TMEM117: variants seen among roughly 807,000 people sequenced by gnomAD.
The protein encoded by TMEM117 is transmembrane protein 117.
Under a neutral mutation model 52.4 loss-of-function variants are expected in TMEM117, and 27 were observed. The ratio of observed to expected loss-of-function variants is 0.51; its 90% CI spans 0.38 to 0.71. The LOEUF (loss-of-function observed/expected upper bound fraction) is 0.71. TMEM117 is among the 30% of genes least tolerant of loss of function. The probability of loss-of-function intolerance (pLI) is 0.00; values close to 1 mark genes in which losing one functional copy is unlikely to be tolerated. For synonymous variants in TMEM117, 215 were observed against 206.3 expected (o/e 1.04, Z -0.36); for missense variants, 556 against 630.5 (o/e 0.88, Z 1.26).
chr12:44,097,666 G>A lies in TMEM117; in HGVS notation c.411-45859G>A, dbSNP rs1011589068. 6.8e-5 allele frequency among the ~76,000 whole-genome samples: 10 copies of A among 147,516 alleles called. No individual in the cohort carries two copies. The East Asian group carries it at 1.0e-3, about 15-fold the overall frequency. On this transcript the variant is annotated intron_variant, in intron 3 of 7. Coordinates refer to ENST00000266534, the MANE Select transcript of TMEM117 (RefSeq NM_032256.3). ...CACTCATAGGTGGGAATTGAACAAC[G>A]AGAACACATGGACATAGGAAGGGGA...
intron 6 of TMEM117, among the ~76,000 whole-genome samples, chr12:44,368,928 T>A (rs1951826280): frequency 6.6e-6 from 1 of 152,134 alleles, no homozygotes; most frequent in Non-Finnish European, 1.5e-5. Context: ...TAGATCAAGT[T>A]GTTTGATAAC....
the TMEM117 span, among the ~76,000 whole-genome samples, chr12:44,397,019 G>A: frequency 1.3e-5 from 2 of 152,248 alleles, no homozygotes; most frequent in East Asian, 3.9e-4. Context: ...TGGGAAATGA[G>A]GGGTAAGAAT....
intron 6 of TMEM117, among the ~76,000 whole-genome samples, chr12:44,349,118 A>G (rs1951529674): frequency 6.6e-6 from 1 of 151,992 alleles, no homozygotes. Flanking sequence ...AACAAATTGC[A>G]TTTTTGCCCC....
chr12:44,006,333 C>T (rs1946195586), intron 3 of TMEM117, among the ~76,000 whole-genome samples: 1 of 152,182 alleles, frequency 6.6e-6, no homozygotes, highest in Admixed American at 6.5e-5. Context: ...TGCATTCAGA[C>T]ATTCCCTTGC....
At chr12:43,867,897 C>T (rs1311416307) in intron 2 of TMEM117, among the ~76,000 whole-genome samples, 3 of 152,114 alleles carry the variant, frequency 2.0e-5, no homozygotes, top group Non-Finnish European at 2.9e-5. Flanking sequence ...AGAATATAGA[C>T]AATTCTAGCA....
chr12:43,837,511 T>C (rs1444519830), intron 1 of TMEM117, among the ~76,000 whole-genome samples: 1 of 152,062 alleles, frequency 6.6e-6, no homozygotes, highest in Non-Finnish European at 1.5e-5. Context: ...CATGCCTGGC[T>C]AATTTTTGTA....
intron 2 of TMEM117, among the ~76,000 whole-genome samples, chr12:43,846,283 C>T (rs566359282): frequency 2.6e-5 from 4 of 152,152 alleles, no homozygotes; most frequent in Non-Finnish European, 5.9e-5. Flanking sequence ...AATGAAGTGA[C>T]AGGGACATTG....
chr12:43,806,404 C>G, the TMEM117 span: 1 of 1,156,458 alleles, frequency 8.6e-7, no homozygotes, highest in Non-Finnish European at 1.1e-6. Flanking sequence ...CCCGAGCGTC[C>G]CCGCCGCCCC....
chr12:44,261,685 T>TC (rs1950322322), intron 5 of TMEM117, among the ~76,000 whole-genome samples: 1 of 152,206 alleles, frequency 6.6e-6, no homozygotes, highest in Non-Finnish European at 1.5e-5. Flanking sequence ...GCTGTTGCTA[T>TC]TATGACATTT....
chr12:44,238,120 T>TA (rs1950020237), intron 5 of TMEM117, among the ~76,000 whole-genome samples: 1 of 152,166 alleles, frequency 6.6e-6, no homozygotes, highest in Non-Finnish European at 1.5e-5. Flanking sequence ...TCACATCTCT[T>TA]AAAAACTGTG....
chr12:44,178,519 T>C (rs1949146949), intron 4 of TMEM117, among the ~76,000 whole-genome samples: 1 of 152,198 alleles, frequency 6.6e-6, no homozygotes. Flanking sequence ...TTGATTGATA[T>C]GTTAAACCTC....
intron 1 of TMEM117, among the ~76,000 whole-genome samples, chr12:43,841,138 T>C (rs905200893): frequency 6.6e-6 from 1 of 152,216 alleles, no homozygotes; most frequent in Non-Finnish European, 1.5e-5. Flanking sequence ...TTCAGAATTA[T>C]GAGGCAAGAA....
intron 4 of TMEM117, among the ~76,000 whole-genome samples, chr12:44,166,608 A>G (rs977475884): frequency 6.6e-6 from 1 of 152,208 alleles, no homozygotes; most frequent in Non-Finnish European, 1.5e-5. Context: ...TTCTAAGTGG[A>G]CAAATAAAAT....
rs780024697 is a variant in TMEM117, at chr12:44,370,056, C to T, written c.769-6539C>T. ...CCTTAATGCTCCTCCTGCTGTCATC[C>T]GCTATGTGAAATGATCCCCCAACCT... On this transcript the variant is annotated intron_variant, in intron 6 of 7. Coordinates refer to ENST00000266534, the MANE Select transcript of TMEM117 (RefSeq NM_032256.3). Among the ~76,000 whole-genome samples the T allele has an allele frequency of 3.9e-5, 6 of 152,274 alleles. No homozygotes were observed. In the South Asian group the frequency reaches 6.2e-4, roughly 16 times the overall value.
intron 4 of TMEM117, among the ~76,000 whole-genome samples, chr12:44,146,471 G>C (rs1948643529): frequency 6.6e-6 from 1 of 152,096 alleles, no homozygotes; most frequent in Admixed American, 6.6e-5. Context: ...AGAATCCAAA[G>C]TCTCTTTATG....
At chr12:44,280,913 G>A (rs1000591472) in intron 5 of TMEM117, among the ~76,000 whole-genome samples, 9 of 152,148 alleles carry the variant, frequency 5.9e-5, no homozygotes, top group Non-Finnish European at 8.8e-5. Context: ...TTAAAATGCC[G>A]ACAATCAATT....
At chr12:44,306,356 C>T (rs1950903047) in intron 6 of TMEM117, among the ~76,000 whole-genome samples, 1 of 152,044 alleles carries the variant, frequency 6.6e-6, no homozygotes, top group African/African-American at 2.4e-5. Flanking sequence ...ACTCATATTT[C>T]TATATCAATA....
intron 6 of TMEM117, among the ~76,000 whole-genome samples, chr12:44,375,756 A>C: frequency 6.6e-6 from 1 of 152,238 alleles, no homozygotes; most frequent in Non-Finnish European, 1.5e-5. Context: ...GAAAATGTGT[A>C]TACTAATGTC....
At chr12:43,844,988 A>G (rs1026052661) in intron 2 of TMEM117, 60 bp downstream of exon 2, 1 of 1,540,898 alleles carries the variant, frequency 6.5e-7, no homozygotes, top group African/African-American at 1.4e-5. Flanking sequence ...ATTCTCCAAG[A>G]TACAACTTTG....
Sources: allele counts gnomAD v4.1 joint callset (sites outside exome capture counted in the v4.1 genomes callset), GRCh38; gene constraint gnomAD v4.1.1; transcripts MANE v1.5; gene names NCBI Gene and HGNC (gene_info 2026-07-23, HGNC 2026-07-21).